CDH12: variants seen among roughly 807,000 people sequenced by gnomAD.
The protein encoded by CDH12 is cadherin 12.
A neutral mutation model predicts 74.1 loss-of-function variants in CDH12; 41 were observed. That is an observed-to-expected ratio of 0.55 (90% CI 0.43 to 0.72). The LOEUF (loss-of-function observed/expected upper bound fraction) is 0.72. Among genes scored for constraint, CDH12 ranks in the 30% least tolerant of loss-of-function variants. The pLI, the probability that CDH12 is intolerant of heterozygous loss-of-function variation, is 0.00. For synonymous variants in CDH12, 399 were observed against 355.0 expected, an observed-to-expected ratio of 1.12 and a Z score of -1.39; for missense variants, 945 against 977.2, an observed-to-expected ratio of 0.97 and a Z score of 0.44.
At chr5:22,037,269 G>A (rs1474313221) in intron 5 of CDH12, among the ~76,000 whole-genome samples, 1 of 152,062 alleles carries the variant, frequency 6.6e-6, no homozygotes, top group African/African-American at 2.4e-5. Flanking sequence ...AAGGATTTGG[G>A]GATAGATATA....
intron 3 of CDH12, among the ~76,000 whole-genome samples, chr5:22,330,972 G>C (rs547091112): frequency 6.6e-6 from 1 of 152,106 alleles, no homozygotes; most frequent in South Asian, 2.1e-4. Context: ...CAAGCTGATG[G>C]AACGGCCTTT....
chr5:22,698,496 C>A (rs1315912410), intron 1 of CDH12, among the ~76,000 whole-genome samples: 1 of 151,014 alleles, frequency 6.6e-6, no homozygotes, highest in East Asian at 2.0e-4. Flanking sequence ...CATTGAAGCT[C>A]GTTAAAGCCT....
intron 4 of CDH12, among the ~76,000 whole-genome samples, chr5:22,157,073 A>G (rs1016625606): frequency 5.9e-5 from 9 of 151,906 alleles, no homozygotes; most frequent in Middle Eastern, 3.4e-3. Context: ...ACAAACTTGT[A>G]AGTCTTTCAT....
At chr5:22,839,272 A>C (rs2126518306) in intron 1 of CDH12, among the ~76,000 whole-genome samples, 1 of 152,160 alleles carries the variant, frequency 6.6e-6, no homozygotes, top group South Asian at 2.1e-4. Flanking sequence ...TACTTCATAA[A>C]CATCATTTAC....
intron 5 of CDH12, among the ~76,000 whole-genome samples, chr5:22,048,449 G>C (rs867450710): frequency 6.6e-6 from 1 of 152,114 alleles, no homozygotes; most frequent in Non-Finnish European, 1.5e-5. Flanking sequence ...GGGATTTCGA[G>C]TTGTGTTCTG....
At chr5:21,844,703 C>G (rs1176255169) in intron 7 of CDH12, among the ~76,000 whole-genome samples, 1 of 152,102 alleles carries the variant, frequency 6.6e-6, no homozygotes, top group Non-Finnish European at 1.5e-5. Flanking sequence ...TCAATTGCAT[C>G]TTAATGTTTT....
intron 11 of CDH12, among the ~76,000 whole-genome samples, chr5:21,767,517 A>G (rs1333161823): frequency 6.6e-6 from 1 of 151,596 alleles, no homozygotes; most frequent in African/African-American, 2.4e-5. Flanking sequence ...CATTTTAGCT[A>G]TGACAATGTT....
chr5:22,390,535 T>A (rs1011497050), intron 3 of CDH12, among the ~76,000 whole-genome samples: 9 of 151,996 alleles, frequency 5.9e-5, no homozygotes, highest in Admixed American at 1.3e-4. Flanking sequence ...GTAATATTAC[T>A]TTTCAAATTC....
At chr5:22,675,760 C>T (rs1741137739) in intron 1 of CDH12, among the ~76,000 whole-genome samples, 1 of 151,198 alleles carries the variant, frequency 6.6e-6, no homozygotes, top group Admixed American at 6.6e-5. Flanking sequence ...GTCCATTAAA[C>T]CTCTTTTTTT....
intron 1 of CDH12, among the ~76,000 whole-genome samples, chr5:22,592,847 T>G (rs1309287387): frequency 6.6e-6 from 1 of 151,738 alleles, no homozygotes; most frequent in Admixed American, 6.6e-5. Context: ...CTGTCCAACA[T>G]GGTGAAACCC....
intron 3 of CDH12, among the ~76,000 whole-genome samples, chr5:22,223,433 A>G (rs1752086201): frequency 1.3e-5 from 2 of 151,968 alleles, no homozygotes; most frequent in Non-Finnish European, 1.5e-5. Context: ...CTTATTAGGA[A>G]TTTTTGCTGG....
chr5:22,337,119 G>A (rs187555830), intron 3 of CDH12, among the ~76,000 whole-genome samples: 1 of 152,332 alleles, frequency 6.6e-6, no homozygotes, highest in East Asian at 1.9e-4. Context: ...CTTGCATGGG[G>A]CCTGTAGCCC....
intron 1 of CDH12, among the ~76,000 whole-genome samples, chr5:22,519,342 T>C (rs1736943945): frequency 6.6e-6 from 1 of 152,050 alleles, no homozygotes; most frequent in Non-Finnish European, 1.5e-5. Context: ...ACATTGAAGA[T>C]ATAAAGTAAA....
chr5:21,877,909 T>C (rs1282909376), intron 6 of CDH12, among the ~76,000 whole-genome samples: 1 of 152,106 alleles, frequency 6.6e-6, no homozygotes, highest in Non-Finnish European at 1.5e-5. Context: ...GTGTGGAAAA[T>C]CCATTAAAAT....
intron 3 of CDH12, among the ~76,000 whole-genome samples, chr5:22,246,693 T>G (rs1168383251): frequency 5.9e-5 from 9 of 152,188 alleles, no homozygotes; most frequent in Non-Finnish European, 1.3e-4. Context: ...TCAACAGGGC[T>G]TCACAAAATG....
intron 1 of CDH12, among the ~76,000 whole-genome samples, chr5:22,684,234 A>G (rs1741645056): frequency 6.6e-6 from 1 of 152,222 alleles, no homozygotes; most frequent in African/African-American, 2.4e-5. Context: ...TGATTCAGGC[A>G]TGCAATGCAC....
chr5:22,653,112 A>G (rs1561553578), intron 1 of CDH12, among the ~76,000 whole-genome samples: 1 of 152,174 alleles, frequency 6.6e-6, no homozygotes, highest in African/African-American at 2.4e-5. Flanking sequence ...TTATTAATAT[A>G]TCCTATCAAT....
chr5:22,684,150 T>A (rs1741639711), intron 1 of CDH12, among the ~76,000 whole-genome samples: 1 of 152,156 alleles, frequency 6.6e-6, no homozygotes, highest in South Asian at 2.1e-4. Flanking sequence ...AAAAATACTC[T>A]TTAAATCATT....
intron 1 of CDH12, among the ~76,000 whole-genome samples, chr5:22,661,912 A>T (rs1048269997): frequency 1.2e-4 from 18 of 152,184 alleles, no homozygotes; most frequent in Admixed American, 8.5e-4. Flanking sequence ...AAGCATTTTT[A>T]AAAATTATAT....
Sources: allele counts gnomAD v4.1 joint callset (sites outside exome capture counted in the v4.1 genomes callset), GRCh38; gene constraint gnomAD v4.1.1; transcripts MANE v1.5; gene names NCBI Gene and HGNC (gene_info 2026-07-23, HGNC 2026-07-21).